SLC5A4: variants seen among roughly 807,000 people sequenced by gnomAD.
SLC5A4 encodes the protein solute carrier family 5 member 4, also known as probable glucose sensor protein SLC5A4.
In SLC5A4, 55 loss-of-function variants were observed where a neutral mutation model predicts 70.3. That is an observed-to-expected ratio of 0.78 (90% CI 0.63 to 0.98). SLC5A4 has a LOEUF of 0.98. Ranked by LOEUF, SLC5A4 falls within the 50% of genes least tolerant of loss-of-function variation. SLC5A4 has a pLI of 0.00. For missense variants in SLC5A4, 735 were observed against 839.2 expected (o/e 0.88, Z 1.53); for synonymous variants, 268 against 305.7 (o/e 0.88, Z 1.29).
chr22:32,327,089 T>C, the SLC5A4 span: 1 of 152,260 alleles, frequency 6.6e-6, no homozygotes, highest in African/African-American at 2.4e-5. Context: ...GCATTTGTGA[T>C]AGTTTATTAC....
At chr22:32,308,417 C>G in the SLC5A4 span, among the ~76,000 whole-genome samples, 24 of 152,194 alleles carry the variant, frequency 1.6e-4, no homozygotes, top group Admixed American at 1.1e-3. Flanking sequence ...GGGCCTGGCG[C>G]CACCAGGCTG....
chr22:32,228,646 A>T lies in SLC5A4; in HGVS notation c.1280+548T>A, dbSNP rs1214644108. ...TTTTCCTCTTGTTTCCCTCCATCTC[A>T]CTTCCACTATCTTCAAGGCCCCCAG... On this transcript the variant is annotated intron_variant, in intron 11 of 14. Coordinates refer to ENST00000266086, the MANE Select transcript of SLC5A4 (RefSeq NM_014227.3). 2.0e-5 allele frequency among the ~76,000 whole-genome samples: 3 copies of T among 151,848 alleles called. No homozygotes were observed. The East Asian group carries it at 5.8e-4, about 29-fold the overall frequency.
the SLC5A4 span, among the ~76,000 whole-genome samples, chr22:32,315,079 A>C: frequency 5.9e-5 from 9 of 152,228 alleles, no homozygotes; most frequent in Non-Finnish European, 7.3e-5. Flanking sequence ...AATGGTTAAA[A>C]TGGTTATATG....
chr22:32,302,448 A>T, the SLC5A4 span, among the ~76,000 whole-genome samples: 1 of 152,152 alleles, frequency 6.6e-6, no homozygotes, highest in Admixed American at 6.5e-5. Flanking sequence ...TTTACATTTA[A>T]CATTTAAATT....
At chr22:32,335,478 T>C in the SLC5A4 span, among the ~76,000 whole-genome samples, 25 of 152,264 alleles carry the variant, frequency 1.6e-4, no homozygotes, top group African/African-American at 6.0e-4. Flanking sequence ...AGGATAGACT[T>C]TGGGGGTTCT....
At chr22:32,320,949 G>C in the SLC5A4 span, among the ~76,000 whole-genome samples, 1 of 152,164 alleles carries the variant, frequency 6.6e-6, no homozygotes, top group Non-Finnish European at 1.5e-5. Context: ...GGGGCAACCC[G>C]TCACCTTCCT....
the SLC5A4 span, chr22:32,269,655 G>A: frequency 1.5e-5 from 9 of 592,020 alleles, no homozygotes; most frequent in East Asian, 8.1e-5. This position sits in a 1 kb window ranked among gnomAD's most constrained non-coding sequence, Gnocchi z 4.1. Flanking sequence ...GGTCTTTGTC[G>A]TCAGCTCGCT....
intron 8 of SLC5A4, among the ~76,000 whole-genome samples, chr22:32,233,251 A>G (rs1344380067): frequency 2.6e-5 from 4 of 152,212 alleles, no homozygotes; most frequent in African/African-American, 4.8e-5. Flanking sequence ...GATAAAGAAA[A>G]TATGCATAAT....
chr22:32,316,726 T>C, the SLC5A4 span, among the ~76,000 whole-genome samples: 2 of 151,328 alleles, frequency 1.3e-5, no homozygotes, highest in Non-Finnish European at 2.9e-5. Flanking sequence ...TTAGTAGAAA[T>C]GAGATTTCAC....
the SLC5A4 span, among the ~76,000 whole-genome samples, chr22:32,299,914 G>A: frequency 2.2e-4 from 25 of 114,154 alleles, 4 homozygotes; most frequent in South Asian, 5.6e-4. Flanking sequence ...GTACCCTGCC[G>A]TGTGAGGTGT....
At position 32,232,884 on chromosome 22, in the gene SLC5A4, G is replaced by A. The variant is rs766659351; in HGVS notation, c.1021+15C>T. The A allele has an allele frequency of 1.3e-5, 21 of 1,601,264 alleles. No homozygotes were observed. Among genetic ancestry groups the A allele is most frequent in the South Asian group, 1.1e-4 (10 of 89,110 alleles). On this transcript the variant is annotated intron_variant, in intron 9 of 14. Transcript: ENST00000266086. ...AAGCATAAAAAAAGAGAGAACATAC[G>A]GATTCAGGGCTTACCTGTGTACAGG...
the SLC5A4 span, among the ~76,000 whole-genome samples, chr22:32,353,907 T>C: frequency 1.2e-4 from 18 of 150,270 alleles, no homozygotes; most frequent in Admixed American, 3.3e-4. Flanking sequence ...CAACCCCGGA[T>C]AGTGCCCCAA....
the SLC5A4 span, among the ~76,000 whole-genome samples, chr22:32,320,547 C>T: frequency 2.6e-5 from 4 of 152,318 alleles, no homozygotes; most frequent in East Asian, 7.7e-4. Flanking sequence ...CAGCTGTCCT[C>T]AGCCACCTCC....
chr22:32,218,665 T>C lies in SLC5A4; in HGVS notation c.1829A>G (p.Gln610Arg), dbSNP rs1313280329. 1.7e-5 allele frequency: 27 copies of C among 1,613,910 alleles called. No homozygotes were observed. Among genetic ancestry groups the C allele is most frequent in the Non-Finnish European group, 2.1e-5 (25 of 1,180,020 alleles). The change falls in exon 15 of 15, where the codon CAG becomes CGG. Residue 610 changes from glutamine (Q) to arginine (R), a missense_variant. Gln to Arg is a conservative substitution (Grantham distance 43, BLOSUM62 1). Coordinates refer to ENST00000266086, the MANE Select transcript of SLC5A4 (RefSeq NM_014227.3). ...CTCCTTGGTTAGCTTGGGTCCCTTCTGCAAACCGCAGAACAAGTCATAAGC... is the reference window on the plus strand; with the variant it reads ...CTCCTTGGTTAGCTTGGGTCCCTTCCGCAAACCGCAGAACAAGTCATAAGC... ...KKAYDLFCGL[Q>R]KGPKLTKEEE...
At chr22:32,328,143 C>G in the SLC5A4 span, among the ~76,000 whole-genome samples, 2 of 152,012 alleles carry the variant, frequency 1.3e-5, no homozygotes, top group Non-Finnish European at 2.9e-5. Flanking sequence ...CAGACCCCAG[C>G]ACACACACAC....
At chr22:32,342,135 A>G in the SLC5A4 span, among the ~76,000 whole-genome samples, 564 of 152,328 alleles carry the variant, frequency 3.7e-3, 5 homozygotes, top group African/African-American at 0.013. Flanking sequence ...ATAAAATAAA[A>G]CTGAAAATGG....
At chr22:32,342,157 C>A in the SLC5A4 span, among the ~76,000 whole-genome samples, 1 of 152,068 alleles carries the variant, frequency 6.6e-6, no homozygotes, top group Non-Finnish European at 1.5e-5. Flanking sequence ...TAATGCTACA[C>A]AAATGGCTAA....
chr22:32,333,110 G>A, the SLC5A4 span, among the ~76,000 whole-genome samples: 1 of 152,136 alleles, frequency 6.6e-6, no homozygotes, highest in Non-Finnish European at 1.5e-5. Flanking sequence ...GACGTGGCCT[G>A]CCCGAGGTTA....
chr22:32,268,843 G>T, the SLC5A4 span, among the ~76,000 whole-genome samples: 1 of 152,170 alleles, frequency 6.6e-6, no homozygotes, highest in Non-Finnish European at 1.5e-5. Context: ...TGTCCTCTGT[G>T]AAAATGATAA....
Sources: allele counts gnomAD v4.1 joint callset (sites outside exome capture counted in the v4.1 genomes callset), GRCh38; gene constraint gnomAD v4.1.1; non-coding constraint Gnocchi (gnomAD v3.1); transcripts MANE v1.5; gene names NCBI Gene and HGNC (gene_info 2026-07-23, HGNC 2026-07-21).